The following ESRRG variants were observed in gnomAD, a reference collection of about 807,000 sequenced individuals.
ESRRG encodes the protein estrogen related receptor gamma, also known as estrogen-related receptor gamma.
In ESRRG, 13 loss-of-function variants were observed where a neutral mutation model predicts 44.0. That is an observed-to-expected ratio of 0.30 (90% CI 0.19 to 0.47). ESRRG has a LOEUF of 0.47. ESRRG is among the 20% of genes least tolerant of loss of function. ESRRG has a pLI of 1.00. For missense variants in ESRRG, 395 were observed against 580.6 expected (o/e 0.68, Z 3.29); for synonymous variants, 215 against 214.6 (o/e 1.00, Z -0.02).
intron 1 of ESRRG, among the ~76,000 whole-genome samples, chr1:216,699,966 C>A (rs1305468559): frequency 1.3e-5 from 2 of 151,836 alleles, no homozygotes; most frequent in African/African-American, 4.8e-5. Flanking sequence ...AGGTATATGA[C>A]CTGCATTTTT....
chr1:217,089,297 A>G (rs2092282328), intron 1 of ESRRG, among the ~76,000 whole-genome samples: 1 of 151,658 alleles, frequency 6.6e-6, no homozygotes, highest in Non-Finnish European at 1.5e-5. Context: ...TTTTGCAGTC[A>G]TGGTAAGGCA....
intron 1 of ESRRG, among the ~76,000 whole-genome samples, chr1:217,136,126 C>T (rs987773176): frequency 9.9e-5 from 15 of 152,200 alleles, no homozygotes; most frequent in Admixed American, 9.2e-4. Flanking sequence ...CAACAACTGG[C>T]ACTGGATGGG....
intron 2 of ESRRG, among the ~76,000 whole-genome samples, chr1:216,760,769 T>C (rs1446130862): frequency 2.0e-5 from 3 of 152,092 alleles, no homozygotes; most frequent in Non-Finnish European, 4.4e-5. Flanking sequence ...GGAAAATCAC[T>C]ATTTTATTAA....
chr1:216,816,676 G>T (rs905259333), intron 2 of ESRRG, among the ~76,000 whole-genome samples: 6 of 152,116 alleles, frequency 3.9e-5, no homozygotes, highest in African/African-American at 1.4e-4. Flanking sequence ...ACATTTAAAA[G>T]ATCTAAACTG....
At chr1:216,715,157 C>A in intron 1 of ESRRG, 1 of 985,156 alleles carries the variant, frequency 1.0e-6, no homozygotes. Context: ...GATGAATTAG[C>A]CAAGTGTGTA....
At chr1:217,016,976 C>T (rs762294400) in intron 1 of ESRRG, among the ~76,000 whole-genome samples, 4 of 152,104 alleles carry the variant, frequency 2.6e-5, no homozygotes, top group Non-Finnish European at 5.9e-5. Context: ...AACCGAAAAG[C>T]CTGTTGTCAC....
chr1:216,901,297 T>A (rs2059041331), intron 2 of ESRRG, among the ~76,000 whole-genome samples: 1 of 152,130 alleles, frequency 6.6e-6, no homozygotes, highest in Admixed American at 6.6e-5. Context: ...TCCTGACATA[T>A]AGGACACTAG....
intron 5 of ESRRG, among the ~76,000 whole-genome samples, chr1:216,562,149 T>C (rs1208412304): frequency 1.3e-5 from 2 of 152,196 alleles, no homozygotes; most frequent in Non-Finnish European, 2.9e-5. Context: ...ATCTGTATGA[T>C]ATCAAAATAT....
intron 3 of ESRRG, among the ~76,000 whole-genome samples, chr1:216,619,541 G>A (rs1038839910): frequency 6.6e-6 from 1 of 152,012 alleles, no homozygotes; most frequent in Non-Finnish European, 1.5e-5. Flanking sequence ...TTCCAGGAAG[G>A]GCAGTATTTT....
At chr1:216,606,929 G>A (rs1198497792) in intron 3 of ESRRG, among the ~76,000 whole-genome samples, 1 of 152,098 alleles carries the variant, frequency 6.6e-6, no homozygotes, top group East Asian at 1.9e-4. Context: ...GAAAGGAAAA[G>A]ATTTTCATCT....
chr1:216,803,041 G>A (rs149548263), intron 2 of ESRRG, among the ~76,000 whole-genome samples: 122 of 152,178 alleles, frequency 8.0e-4, no homozygotes, highest in Middle Eastern at 6.8e-3. Flanking sequence ...TGTGACATCA[G>A]CCAGGGAGTT....
intron 2 of ESRRG, among the ~76,000 whole-genome samples, chr1:216,821,792 A>G (rs2095303021): frequency 6.6e-6 from 1 of 151,600 alleles, no homozygotes. Context: ...TTAAAAATGA[A>G]ATTTCCTTAT....
chr1:216,716,797 C>T (rs564561595), intron 1 of ESRRG, among the ~76,000 whole-genome samples: 10 of 151,770 alleles, frequency 6.6e-5, no homozygotes, highest in African/African-American at 2.4e-4. Context: ...AAGTGTTTTC[C>T]TTTTCTATAT....
intron 3 of ESRRG, among the ~76,000 whole-genome samples, chr1:216,645,219 G>T (rs541984447): frequency 6.6e-6 from 1 of 152,174 alleles, no homozygotes; most frequent in South Asian, 2.1e-4. Context: ...CCCCTAGGAA[G>T]ATGAAAAGCA....
intron 1 of ESRRG, among the ~76,000 whole-genome samples, chr1:217,104,486 G>A (rs2092562480): frequency 6.6e-6 from 1 of 152,174 alleles, no homozygotes; most frequent in East Asian, 1.9e-4. Flanking sequence ...AACTATCTGA[G>A]CTTCATTTCT....
At chr1:216,768,638 C>T (rs542868757) in intron 2 of ESRRG, among the ~76,000 whole-genome samples, 31 of 152,128 alleles carry the variant, frequency 2.0e-4, no homozygotes, top group Admixed American at 3.3e-4. Context: ...TACTGGCATG[C>T]GCCACCACAT....
intron 1 of ESRRG, among the ~76,000 whole-genome samples, chr1:216,703,023 A>C (rs2081725600): frequency 6.6e-6 from 1 of 152,214 alleles, no homozygotes; most frequent in African/African-American, 2.4e-5. Context: ...AATACAAACC[A>C]ATCAAGGCAA....
chr1:216,510,527 AAAG>A (rs58746765), intron 6 of ESRRG, among the ~76,000 whole-genome samples: 13,097 of 152,116 alleles, frequency 0.086, 1,870 homozygotes, highest in African/African-American at 0.3. Context: ...AGCCACTGAA[AAAG>A]AAGATTTTAT....
At chr1:216,665,357 T>A (rs1337679851) in intron 2 of ESRRG, among the ~76,000 whole-genome samples, 1 of 152,170 alleles carries the variant, frequency 6.6e-6, no homozygotes. Flanking sequence ...TCCTGTATTA[T>A]TCCATTTTTA....
Sources: gnomAD v4.1 joint callset for allele counts (sites outside exome capture counted in the v4.1 genomes callset) on GRCh38, gnomAD v4.1.1 for gene constraint, MANE v1.5 for transcripts, NCBI Gene and HGNC (gene_info 2026-07-23, HGNC 2026-07-21) for gene names.